Variants in FBN2 observed in about 807,000 individuals in gnomAD.
FBN2 encodes fibrillin 2.
FBN2 carries 105 observed loss-of-function variants against 355.6 expected under a neutral mutation model. The observed-to-expected ratio is 0.30, with a 90% CI of 0.25 to 0.35. The LOEUF (loss-of-function observed/expected upper bound fraction) is 0.35. FBN2 is among the 10% of genes least tolerant of loss of function. The pLI, the probability that FBN2 is intolerant of heterozygous loss-of-function variation, is 1.00. For synonymous variants in FBN2, 1,350 were observed against 1,301.2 expected, an observed-to-expected ratio of 1.04 and a Z score of -0.81; for missense variants, 3,280 against 3,758.7, an observed-to-expected ratio of 0.87 and a Z score of 3.33.
intron 5 of FBN2, among the ~76,000 whole-genome samples, chr5:128,505,537 A>G (rs1755932547): frequency 6.6e-6 from 1 of 152,186 alleles, no homozygotes; most frequent in African/African-American, 2.4e-5. Context: ...TTATACATGT[A>G]TAACCCCATC....
rs1455070539 is a variant in FBN2 at position 128,263,407 on chromosome 5, G to A, written c.8192+18C>T. The stretch of plus-strand genomic sequence containing the variant: ...AACCATGTATTCCTCTATGTGCTGA[G>A]GCTGAAGGCCGCCTTACCCTTGTCC... On this transcript the variant is annotated intron_variant, in intron 63 of 64. Transcript: ENST00000262464. 1.3e-6 allele frequency: 2 copies of A among 1,578,662 alleles called. No homozygotes were observed.
At chr5:128,344,656 A>C in intron 24 of FBN2, 146 bp from the exon 25 acceptor site, 1 of 727,516 alleles carries the variant, frequency 1.4e-6, no homozygotes, top group Non-Finnish European at 2.4e-6. Context: ...GATCACACTG[A>C]TATCACACAG....
At chr5:128,368,745 C>G (rs2126946742) in intron 16 of FBN2, among the ~76,000 whole-genome samples, 1 of 152,122 alleles carries the variant, frequency 6.6e-6, no homozygotes, top group African/African-American at 2.4e-5. Flanking sequence ...TGATGGCTCA[C>G]TGCAGCCTCG....
At chr5:128,320,450 G>A (rs1750338987) in intron 34 of FBN2, among the ~76,000 whole-genome samples, 1 of 152,134 alleles carries the variant, frequency 6.6e-6, no homozygotes, top group Non-Finnish European at 1.5e-5. Flanking sequence ...CTGGGCTCAT[G>A]GGATCCTCCC....
At chr5:128,433,788 C>G (rs1468779880) in intron 7 of FBN2, among the ~76,000 whole-genome samples, 34 of 152,138 alleles carry the variant, frequency 2.2e-4, no homozygotes, top group Admixed American at 2.2e-3. Flanking sequence ...TGCTGCTAGA[C>G]TGGGACAAAA....
At chr5:128,430,035 T>C (rs1361599024) in intron 7 of FBN2, among the ~76,000 whole-genome samples, 1 of 152,196 alleles carries the variant, frequency 6.6e-6, no homozygotes, top group Non-Finnish European at 1.5e-5. Context: ...AAAGCACTTT[T>C]TTTATTCTTG....
Position 128,364,643 on chromosome 5 carries a change from G to A in FBN2, c.2385C>T (p.Cys795=). 1.9e-6 allele frequency: 3 copies of A among 1,613,542 alleles called. No individual in the cohort carries two copies. Among genetic ancestry groups the A allele is most frequent in the Non-Finnish European group, 2.5e-6 (3 of 1,179,566 alleles). ...ENLRGSYRCN[C]NSGYEPDASG... ...AGGCATCTGGTTCATAGCCACTGTTGCAATTACAACGGTAACTACCACGTA... is the reference window on the plus strand; with the variant it reads ...AGGCATCTGGTTCATAGCCACTGTTACAATTACAACGGTAACTACCACGTA... Residue 795 remains cysteine, a synonymous_variant, in exon 18 of 65, where the codon TGC becomes TGT. Coordinates refer to ENST00000262464, the MANE Select transcript of FBN2 (RefSeq NM_001999.4).
rs545624372 is a variant in FBN2, at chr5:128,471,538, A to G, written c.629-6617T>C. Among the ~76,000 whole-genome samples, 4 of 152,274 alleles carry G rather than the reference A, an allele frequency of 2.6e-5. No homozygotes were observed. The South Asian group carries it at 8.3e-4, about 32-fold the overall frequency. ...ATTAAGTACAAAAATGTTTAAGAGA[A>G]TCAAAGCCATTAAATTAATATTTTT... is the stretch of plus-strand genomic sequence containing the variant. On this transcript the variant is annotated intron_variant, in intron 5 of 64. Coordinates refer to ENST00000262464, the MANE Select transcript of FBN2 (RefSeq NM_001999.4).
At chr5:128,341,159 G>C (rs1751010603) in intron 25 of FBN2, among the ~76,000 whole-genome samples, 1 of 152,174 alleles carries the variant, frequency 6.6e-6, no homozygotes, top group Non-Finnish European at 1.5e-5. Flanking sequence ...AGTATATCCA[G>C]AGCAATGCAG....
At chr5:128,523,909 T>C (rs1756499937) in intron 4 of FBN2, among the ~76,000 whole-genome samples, 1 of 152,098 alleles carries the variant, frequency 6.6e-6, no homozygotes, top group South Asian at 2.1e-4. Flanking sequence ...GGTAGCCTCC[T>C]ACATGGCCCT....
intron 11 of FBN2, 125 bp from the exon 12 acceptor site, chr5:128,379,015 T>C (rs969781608): frequency 5.8e-6 from 6 of 1,037,992 alleles, no homozygotes; most frequent in Non-Finnish European, 8.9e-6. Context: ...AATAGCGAAG[T>C]ATTTATAAAT....
chr5:128,364,074 C>A (rs963914244), intron 18 of FBN2, among the ~76,000 whole-genome samples: 2 of 152,142 alleles, frequency 1.3e-5, no homozygotes, highest in African/African-American at 4.8e-5. Context: ...ATAAGACTGT[C>A]AAACCTTTTC....
intron 54 of FBN2, 44 bp from the exon 55 acceptor site, chr5:128,286,893 T>G: frequency 6.3e-7 from 1 of 1,590,002 alleles, no homozygotes; most frequent in Non-Finnish European, 8.6e-7. Flanking sequence ...GAGCAAGCTG[T>G]AGTTTAGTAC....
chr5:128,527,097 T>C (rs992567173), intron 4 of FBN2, among the ~76,000 whole-genome samples: 8 of 152,158 alleles, frequency 5.3e-5, no homozygotes, highest in Admixed American at 5.2e-4. Context: ...AAAAAGGGAC[T>C]TATATTTGTG....
intron 48 of FBN2, among the ~76,000 whole-genome samples, chr5:128,294,728 C>G (rs1224993406): frequency 6.6e-6 from 1 of 151,038 alleles, no homozygotes; most frequent in East Asian, 1.9e-4. Flanking sequence ...ATTGTAGATT[C>G]TGGATATTAG....
chr5:128,496,941 C>T lies in FBN2; in HGVS notation c.628+22332G>A, dbSNP rs541638671. Among the ~76,000 whole-genome samples the T allele has an allele frequency of 3.3e-5, 5 of 151,994 alleles. No individual in the cohort carries two copies. The East Asian group carries it at 7.7e-4, about 23-fold the overall frequency. ...TTTCAAAAATAAAACTGAAACAACT[C>T]TATTACAATAGCACTAAAAAGAATA... On this transcript the variant is annotated intron_variant, in intron 5 of 64. Transcript: ENST00000262464.
intron 51 of FBN2, among the ~76,000 whole-genome samples, chr5:128,289,586 A>AAAAT (rs1308738861): frequency 5.3e-5 from 8 of 152,024 alleles, no homozygotes; most frequent in South Asian, 4.1e-4. Context: ...ACTCCACCTC[A>AAAAT]AAATAAATAA....
chr5:128,319,126 C>A, intron 34 of FBN2, 125 bp from the exon 35 acceptor site: 2 of 736,254 alleles, frequency 2.7e-6, no homozygotes, highest in Non-Finnish European at 4.5e-6. Flanking sequence ...CTTTTTTTTT[C>A]TCTTTTTTGG....
At chr5:128,516,398 T>C (rs891837641) in intron 5 of FBN2, among the ~76,000 whole-genome samples, 7 of 150,508 alleles carry the variant, frequency 4.7e-5, no homozygotes, top group African/African-American at 1.7e-4. Context: ...TGATGCTAAG[T>C]ATAAAAGGTC....
Sources: allele counts gnomAD v4.1 joint callset (sites outside exome capture counted in the v4.1 genomes callset), GRCh38; gene constraint gnomAD v4.1.1; transcripts MANE v1.5; gene names NCBI Gene and HGNC (gene_info 2026-07-23, HGNC 2026-07-21).